Variants in CCDC73 observed in about 807,000 individuals in gnomAD.
CCDC73 encodes coiled-coil domain containing 73, also known as coiled-coil domain-containing protein 73.
Under a neutral mutation model 116.5 loss-of-function variants are expected in CCDC73, and 95 were observed. The ratio of observed to expected loss-of-function variants is 0.82; its 90% confidence interval spans 0.69 to 0.97. The LOEUF (loss-of-function observed/expected upper bound fraction) is 0.97, where lower values mean the gene tolerates loss of function less well. Among genes scored for constraint, CCDC73 ranks in the 50% least tolerant of loss-of-function variants. The pLI is 0.00. For synonymous variants in CCDC73, 398 were observed against 401.3 expected, an observed-to-expected ratio of 0.99 and a Z score of 0.10; for missense variants, 1,066 against 1,206.8, an observed-to-expected ratio of 0.88 and a Z score of 1.73.
chr11:32,699,618 A>G (rs1849791285), intron 5 of CCDC73, among the ~76,000 whole-genome samples: 1 of 152,122 alleles, frequency 6.6e-6, no homozygotes, highest in South Asian at 2.1e-4. Flanking sequence ...ATTCTCAGCA[A>G]ACTATCACAA....
At position 32,635,689 on chromosome 11, in the gene CCDC73, A is replaced by G. The variant is rs1418443198; in HGVS notation, c.1185+7T>C. ...AGTTTGTACCCCACAACATACTTAAATTTTACCTGAAACTTTTTGTCTTCC... is the reference window on the plus strand; with the variant it reads ...AGTTTGTACCCCACAACATACTTAAGTTTTACCTGAAACTTTTTGTCTTCC... On this transcript the variant is annotated splice_region_variant and intron_variant, in intron 14 of 17. Coordinates refer to ENST00000335185, the MANE Select transcript of CCDC73 (RefSeq NM_001008391.4). 7.7e-7 allele frequency: 1 copy of G among 1,296,408 alleles called. No individual in the cohort carries two copies. The allele number at this position is 1,296,408 out of a possible 1,614,324, so 80.3% of individuals were successfully genotyped here.
At chr11:32,804,904 C>A in the CCDC73 span, among the ~76,000 whole-genome samples, 2 of 151,886 alleles carry the variant, frequency 1.3e-5, no homozygotes. Context: ...CTCTGCCCAA[C>A]CTTCACCTGC....
At chr11:32,708,824 G>T (rs976850169) in intron 3 of CCDC73, among the ~76,000 whole-genome samples, 1 of 151,994 alleles carries the variant, frequency 6.6e-6, no homozygotes, top group African/African-American at 2.4e-5. Context: ...GAGTCTTTAG[G>T]GTTTTCTAGA....
At chr11:32,672,264 C>G (rs1010418104) in intron 9 of CCDC73, among the ~76,000 whole-genome samples, 2 of 152,130 alleles carry the variant, frequency 1.3e-5, no homozygotes, top group African/African-American at 4.8e-5. Flanking sequence ...ATGGCTTGAA[C>G]CCAGGAGGCA....
intron 9 of CCDC73, among the ~76,000 whole-genome samples, chr11:32,672,230 T>A (rs766412100): frequency 3.3e-5 from 5 of 152,012 alleles, no homozygotes; most frequent in Non-Finnish European, 5.9e-5. Flanking sequence ...TAGTCCCAGC[T>A]ACTTGGGAGG....
chr11:32,729,050 C>T lies in CCDC73; in HGVS notation c.136-10903G>A, dbSNP rs371444054. On this transcript the variant is annotated intron_variant, in intron 2 of 17. Transcript: ENST00000335185. Reference sequence around the variant, plus strand: ...AACTTTAAGTGCCAGGGTACATGTGCAGGATGTGCAGGTCTGTTACATAGG... The same window carrying T: ...AACTTTAAGTGCCAGGGTACATGTGTAGGATGTGCAGGTCTGTTACATAGG... Among the ~76,000 whole-genome samples the T allele has an allele frequency of 1.8e-4, 28 of 151,586 alleles. No homozygotes were observed. In the South Asian group the frequency reaches 5.2e-3, roughly 28 times the overall value.
At chr11:32,620,625 A>AG (rs1400663632) in intron 14 of CCDC73, among the ~76,000 whole-genome samples, 1 of 150,934 alleles carries the variant, frequency 6.6e-6, no homozygotes, top group East Asian at 1.9e-4. Flanking sequence ...AAAAAAAAAA[A>AG]AAAAAAAAGA....
In CCDC73 at chr11:32,776,986, C is replaced by CATATATAT. The variant is rs1232030218; in HGVS notation, c.-15-16729_-15-16728insATATATAT. Among the ~76,000 whole-genome samples, 31 of 95,734 alleles carry CATATATAT rather than the reference C, an allele frequency of 3.2e-4. 1 individual carries two copies. The highest frequency in any genetic ancestry group is 6.3e-3 in the Middle Eastern group (1 of 158). The allele number at this position is 95,734 out of a possible 152,430, so 62.8% of individuals were successfully genotyped here. A position where few individuals can be genotyped will look rare whatever the true frequency, so the allele number is the denominator to read the frequency against. On this transcript the variant is annotated intron_variant, in intron 1 of 17. Coordinates refer to ENST00000335185, the MANE Select transcript of CCDC73 (RefSeq NM_001008391.4). ...ACACACACACACATATATATATACA[C>CATATATAT]ATGTATATATATATATATATATATA... is the stretch of plus-strand genomic sequence containing the variant.
At chr11:32,684,417 C>T (rs189707504) in intron 6 of CCDC73, among the ~76,000 whole-genome samples, 23 of 152,252 alleles carry the variant, frequency 1.5e-4, no homozygotes, top group East Asian at 3.9e-4. Flanking sequence ...TGATAATAAA[C>T]GTCTATTTTA....
intron 1 of CCDC73, among the ~76,000 whole-genome samples, chr11:32,764,270 A>G (rs180818147): frequency 2.0e-5 from 3 of 152,306 alleles, no homozygotes; most frequent in Admixed American, 2.0e-4. Flanking sequence ...GAACACCACA[A>G]AGATACTCCT....
At chr11:32,822,033 T>C in the CCDC73 span, among the ~76,000 whole-genome samples, 2 of 152,188 alleles carry the variant, frequency 1.3e-5, no homozygotes, top group African/African-American at 2.4e-5. Context: ...GTTATTTCAC[T>C]GTGCATAAAT....
the CCDC73 span, among the ~76,000 whole-genome samples, chr11:32,823,276 C>G: frequency 6.6e-6 from 1 of 152,144 alleles, no homozygotes; most frequent in African/African-American, 2.4e-5. Context: ...GAATTTGAGA[C>G]CAGCCTGACT....
At chr11:32,815,174 T>G in the CCDC73 span, among the ~76,000 whole-genome samples, 1 of 152,320 alleles carries the variant, frequency 6.6e-6, no homozygotes, top group South Asian at 2.1e-4. Flanking sequence ...AAAGATGAAT[T>G]TTATAGCATA....
the CCDC73 span, among the ~76,000 whole-genome samples, chr11:32,819,779 C>T: frequency 3.9e-5 from 6 of 152,030 alleles, no homozygotes; most frequent in Non-Finnish European, 7.4e-5. Flanking sequence ...ATTTTTAAAC[C>T]ATTTTCTTAA....
intron 2 of CCDC73, among the ~76,000 whole-genome samples, chr11:32,737,732 C>G (rs752723441): frequency 1.3e-5 from 2 of 151,904 alleles, no homozygotes; most frequent in Non-Finnish European, 2.9e-5. Context: ...AAATGTACAA[C>G]TAAATTATTA....
chr11:32,636,991 C>T (rs1855684918), intron 13 of CCDC73, among the ~76,000 whole-genome samples: 1 of 150,132 alleles, frequency 6.7e-6, no homozygotes, highest in Non-Finnish European at 1.5e-5. Flanking sequence ...GACCCAGTTC[C>T]TCTGTCTGTT....
Position 32,665,915 on chromosome 11 carries a change from T to C in CCDC73, c.645+9650A>G, listed in dbSNP as rs181622999. On this transcript the variant is annotated intron_variant, in intron 9 of 17. Transcript: ENST00000335185. The stretch of plus-strand genomic sequence containing the variant: ...AAGGATTTTATTTCTCCTTCACTTA[T>C]GAAGCTTAGTTTGGCTGGATATGAA... 4.6e-3 allele frequency among the ~76,000 whole-genome samples: 703 copies of C among 152,346 alleles called. 6 individuals are homozygous for C. Among genetic ancestry groups the C allele is most frequent in the Non-Finnish European group, 7.4e-3 (504 of 68,034 alleles).
intron 9 of CCDC73, among the ~76,000 whole-genome samples, chr11:32,674,809 A>C (rs1199857713): frequency 6.6e-6 from 1 of 152,200 alleles, no homozygotes; most frequent in African/African-American, 2.4e-5. Context: ...TTTGGGGCTC[A>C]GCTCTAAAGC....
At chr11:32,762,147 C>A (rs1298303484) in intron 1 of CCDC73, among the ~76,000 whole-genome samples, 5 of 152,050 alleles carry the variant, frequency 3.3e-5, no homozygotes, top group African/African-American at 1.2e-4. Flanking sequence ...CAGCAGTGTG[C>A]CTGAAAGAAA....
Sources: allele counts gnomAD v4.1 joint callset (sites outside exome capture counted in the v4.1 genomes callset), GRCh38; gene constraint gnomAD v4.1.1; transcripts MANE v1.5; gene names NCBI Gene and HGNC (gene_info 2026-07-23, HGNC 2026-07-21).